Variants in CDS2 observed in about 807,000 individuals in gnomAD.
CDS2 encodes phosphatidate cytidylyltransferase 2.
Under a neutral mutation model 59.0 loss-of-function variants are expected in CDS2, and 47 were observed. The observed-to-expected ratio is 0.80, with a 90% confidence interval of 0.63 to 1.02. The LOEUF is 1.02. Ranked by LOEUF, CDS2 falls within the 50% of genes least tolerant of loss-of-function variation. CDS2 has a pLI of 0.00. For synonymous variants in CDS2, 207 were observed against 206.4 expected (o/e 1.00, Z -0.02); for missense variants, 356 against 558.9 (o/e 0.64, Z 3.66).
At chr20:5,127,291 C>A (rs2090561549) in intron 1 of CDS2, 142 bp downstream of exon 1, 2 of 679,012 alleles carry the variant, frequency 2.9e-6, no homozygotes, top group Non-Finnish European at 2.1e-6. Context: ...GCGCGAAGGG[C>A]CCTCGGGTGC....
chr20:5,132,566 A>G (rs2090616180), intron 1 of CDS2, among the ~76,000 whole-genome samples: 1 of 152,168 alleles, frequency 6.6e-6, no homozygotes, highest in Non-Finnish European at 1.5e-5. Context: ...AAAGAACTAT[A>G]ACTACTTCAG....
intron 1 of CDS2, among the ~76,000 whole-genome samples, chr20:5,157,912 A>C (rs1217382560): frequency 6.6e-6 from 1 of 152,184 alleles, no homozygotes; most frequent in African/African-American, 2.4e-5. Context: ...CACTTATTTC[A>C]CTTCTTTCTG....
intron 5 of CDS2, 87 bp downstream of exon 5, chr20:5,179,043 A>T: frequency 7.5e-7 from 1 of 1,338,850 alleles, no homozygotes. Context: ...CTTGGTTAGT[A>T]TACAGTTTTG....
chr20:5,164,485 G>A (rs749983005), intron 1 of CDS2, among the ~76,000 whole-genome samples: 22 of 152,062 alleles, frequency 1.4e-4, no homozygotes, highest in Non-Finnish European at 2.5e-4. Flanking sequence ...CAGCTGTCCT[G>A]GTTCTACTTC....
intron 1 of CDS2, among the ~76,000 whole-genome samples, chr20:5,170,889 G>C (rs1198699691): frequency 6.6e-6 from 1 of 152,162 alleles, no homozygotes; most frequent in Non-Finnish European, 1.5e-5. Context: ...TATCACCACC[G>C]ATCCCACAGA....
intron 1 of CDS2, among the ~76,000 whole-genome samples, chr20:5,133,745 G>T (rs967046131): frequency 6.6e-6 from 1 of 152,052 alleles, no homozygotes; most frequent in Non-Finnish European, 1.5e-5. Flanking sequence ...GGCTGGTCTC[G>T]AACTCCTGAC....
intron 1 of CDS2, among the ~76,000 whole-genome samples, chr20:5,155,212 T>C (rs1245663559): frequency 6.6e-6 from 1 of 152,230 alleles, no homozygotes; most frequent in Non-Finnish European, 1.5e-5. Context: ...AGGGCTGAAA[T>C]GCTGTGCTTT....
intron 1 of CDS2, among the ~76,000 whole-genome samples, chr20:5,158,622 T>C (rs1322520606): frequency 1.3e-5 from 2 of 152,236 alleles, no homozygotes; most frequent in African/African-American, 4.8e-5. Context: ...GACTTTTCTA[T>C]TAACAGTAAA....
chr20:5,139,293 G>A (rs932409590), intron 1 of CDS2, among the ~76,000 whole-genome samples: 1 of 152,170 alleles, frequency 6.6e-6, no homozygotes, highest in African/African-American at 2.4e-5. Context: ...CTTGGGAGGT[G>A]GAGGCTGTAA....
At chr20:5,186,569 A>C in intron 9 of CDS2, 118 bp from the exon 10 acceptor site, 9 of 861,954 alleles carry the variant, frequency 1.0e-5, no homozygotes, top group Non-Finnish European at 1.5e-5. Context: ...CTGAGCACAT[A>C]GCTCGCAGTT....
At chr20:5,150,563 G>A (rs372573419) in intron 1 of CDS2, among the ~76,000 whole-genome samples, 49 of 152,310 alleles carry the variant, frequency 3.2e-4, no homozygotes, top group South Asian at 8.3e-4. Context: ...ACCCAGTCTC[G>A]GAGAGAAGGG....
At chr20:5,136,187 G>A (rs564341453) in intron 1 of CDS2, among the ~76,000 whole-genome samples, 46 of 151,944 alleles carry the variant, frequency 3.0e-4, no homozygotes, top group African/African-American at 1.0e-3. Context: ...TAGTCCTGTG[G>A]TTTCAGTGGT....
intron 6 of CDS2, among the ~76,000 whole-genome samples, chr20:5,182,745 C>G (rs2091040488): frequency 6.6e-6 from 1 of 152,210 alleles, no homozygotes. Context: ...TCTGGTACAT[C>G]ACTTGCTACC....
At chr20:5,180,973 G>T in intron 5 of CDS2, among the ~76,000 whole-genome samples, 1 of 152,078 alleles carries the variant, frequency 6.6e-6, no homozygotes, top group East Asian at 1.9e-4. Context: ...CGGACACAAA[G>T]TGATATCTGG....
chr20:5,136,637 G>A (rs774854164), intron 1 of CDS2, among the ~76,000 whole-genome samples: 1 of 152,020 alleles, frequency 6.6e-6, no homozygotes. Flanking sequence ...TTTGCTCTAG[G>A]TCCCTCCTAA....
intron 1 of CDS2, among the ~76,000 whole-genome samples, chr20:5,142,707 A>T (rs188850860): frequency 6.6e-6 from 1 of 152,326 alleles, no homozygotes; most frequent in Non-Finnish European, 1.5e-5. Context: ...ATTGAACCAC[A>T]GTATTAAGAG....
intron 1 of CDS2, chr20:5,168,716 C>T (rs1198020177): frequency 2.0e-6 from 1 of 500,468 alleles, no homozygotes; most frequent in Non-Finnish European, 4.0e-6. Context: ...GGGTTTTCTT[C>T]CCAGAGAGTT....
At chr20:5,181,747 C>G (rs1322102825) in intron 5 of CDS2, among the ~76,000 whole-genome samples, 1 of 152,152 alleles carries the variant, frequency 6.6e-6, no homozygotes, top group African/African-American at 2.4e-5. Flanking sequence ...AATGTGTAGT[C>G]TATTTCTCTT....
chr20:5,140,256 A>G (rs1252137659), intron 1 of CDS2, among the ~76,000 whole-genome samples: 1 of 152,206 alleles, frequency 6.6e-6, no homozygotes, highest in East Asian at 1.9e-4. Flanking sequence ...ATTGTAAGTA[A>G]TGCTGCAGTA....
Sources: gnomAD v4.1 joint callset for allele counts (sites outside exome capture counted in the v4.1 genomes callset) on GRCh38, gnomAD v4.1.1 for gene constraint, MANE v1.5 for transcripts, NCBI Gene and HGNC (gene_info 2026-07-23, HGNC 2026-07-21) for gene names.